PCGF6: variants seen among roughly 807,000 people sequenced by gnomAD.
The protein encoded by PCGF6 is polycomb group RING finger protein 6.
Under a neutral mutation model 45.5 loss-of-function variants are expected in PCGF6, and 24 were observed. The ratio of observed to expected loss-of-function variants is 0.53; its 90% CI spans 0.38 to 0.74. The LOEUF is 0.74. Ranked by LOEUF, PCGF6 falls within the 30% of genes least tolerant of loss-of-function variation. The probability of loss-of-function intolerance (pLI) is 0.00; values close to 1 mark genes in which losing one functional copy is unlikely to be tolerated. For synonymous variants in PCGF6, 152 were observed against 162.1 expected (o/e 0.94, Z 0.47); for missense variants, 356 against 443.2 (o/e 0.80, Z 1.77).
chr10:103,327,716 C>T (rs1282969862), intron 7 of PCGF6, among the ~76,000 whole-genome samples: 1 of 151,716 alleles, frequency 6.6e-6, no homozygotes, highest in Non-Finnish European at 1.5e-5. Flanking sequence ...ACTCTGTCAC[C>T]CAGGCTGGAG....
intron 8 of PCGF6, among the ~76,000 whole-genome samples, chr10:103,319,958 C>T (rs2093190950): frequency 6.6e-6 from 1 of 152,026 alleles, no homozygotes; most frequent in South Asian, 2.1e-4. Context: ...CAGGTGCATA[C>T]CACCATGCCC....
At chr10:103,304,373 C>T (rs949412765) in intron 9 of PCGF6, among the ~76,000 whole-genome samples, 1 of 152,184 alleles carries the variant, frequency 6.6e-6, no homozygotes, top group African/African-American at 2.4e-5. Context: ...CGGAATCTTG[C>T]TCTGTTGCCC....
At chr10:103,323,331 T>C (rs2093204679) in intron 8 of PCGF6, among the ~76,000 whole-genome samples, 1 of 152,000 alleles carries the variant, frequency 6.6e-6, no homozygotes. Flanking sequence ...AGTTTTGCTG[T>C]TGTTGCCCAG....
chr10:103,332,565 C>T (rs754660039), intron 7 of PCGF6, among the ~76,000 whole-genome samples: 51 of 152,104 alleles, frequency 3.4e-4, no homozygotes, highest in Non-Finnish European at 4.0e-4. Flanking sequence ...TGTGAGCCAA[C>T]GAACCCGGCC....
intron 6 of PCGF6, among the ~76,000 whole-genome samples, chr10:103,341,691 A>C (rs1457192419): frequency 6.6e-6 from 1 of 150,920 alleles, no homozygotes; most frequent in Non-Finnish European, 1.5e-5. Flanking sequence ...TAATCTGCCC[A>C]CCTAAGCCTC....
At chr10:103,340,284 C>G (rs761707647) in intron 6 of PCGF6, among the ~76,000 whole-genome samples, 7 of 145,804 alleles carry the variant, frequency 4.8e-5, no homozygotes, top group Non-Finnish European at 9.0e-5. Flanking sequence ...AGCTAGAAAA[C>G]AGCAGAGCTA....
chr10:103,330,815 G>A (rs2093237293), intron 7 of PCGF6, among the ~76,000 whole-genome samples: 1 of 152,198 alleles, frequency 6.6e-6, no homozygotes, highest in South Asian at 2.1e-4. Context: ...TGTAATACCA[G>A]CTACTTGGGA....
At chr10:103,305,097 G>A (rs945000615) in intron 9 of PCGF6, among the ~76,000 whole-genome samples, 1 of 151,834 alleles carries the variant, frequency 6.6e-6, no homozygotes, top group African/African-American at 2.4e-5. Context: ...CAACTAGCTG[G>A]GACCACACAC....
At chr10:103,341,080 T>C (rs1273663406) in intron 6 of PCGF6, among the ~76,000 whole-genome samples, 1 of 151,496 alleles carries the variant, frequency 6.6e-6, no homozygotes, top group Non-Finnish European at 1.5e-5. Flanking sequence ...AAATAGAAAA[T>C]TAGCCAGGCA....
intron 8 of PCGF6, among the ~76,000 whole-genome samples, chr10:103,323,896 T>C (rs2093206818): frequency 1.3e-5 from 2 of 152,084 alleles, no homozygotes; most frequent in Admixed American, 6.6e-5. Context: ...GTCACTGTTT[T>C]AACATATCTA....
At chr10:103,342,384 C>A (rs994559309) in intron 6 of PCGF6, among the ~76,000 whole-genome samples, 9 of 152,050 alleles carry the variant, frequency 5.9e-5, no homozygotes, top group Non-Finnish European at 1.2e-4. Flanking sequence ...CAGGCACCTG[C>A]CACAACACCT....
At chr10:103,312,146 C>A (rs1461255976) in intron 9 of PCGF6, among the ~76,000 whole-genome samples, 2 of 147,336 alleles carry the variant, frequency 1.4e-5, no homozygotes, top group African/African-American at 5.0e-5. Flanking sequence ...GTAATCCCAG[C>A]ACTTTGGGAG....
chr10:103,330,825 A>G (rs145097540), intron 7 of PCGF6, among the ~76,000 whole-genome samples: 2 of 152,288 alleles, frequency 1.3e-5, no homozygotes, highest in East Asian at 3.9e-4. Flanking sequence ...GCTACTTGGG[A>G]GGCTGAGGCA....
intron 6 of PCGF6, among the ~76,000 whole-genome samples, chr10:103,338,902 G>C (rs2093268415): frequency 6.6e-6 from 1 of 152,030 alleles, no homozygotes; most frequent in Non-Finnish European, 1.5e-5. Flanking sequence ...CAATTTAGGG[G>C]AGAAATCTAA....
intron 1 of PCGF6, among the ~76,000 whole-genome samples, chr10:103,350,215 T>C (rs940468930): frequency 6.6e-5 from 10 of 150,668 alleles, no homozygotes; most frequent in African/African-American, 2.4e-4. Flanking sequence ...GAGAATCTCT[T>C]GAACCCAGGA....
intron 7 of PCGF6, 106 bp downstream of exon 7, chr10:103,333,819 T>C (rs936344748): frequency 1.4e-6 from 1 of 738,806 alleles, no homozygotes; most frequent in Non-Finnish European, 2.1e-6. Flanking sequence ...ATGTACTTCA[T>C]ATTTAAATAA....
intron 7 of PCGF6, among the ~76,000 whole-genome samples, chr10:103,328,991 G>A (rs920218753): frequency 1.3e-5 from 2 of 151,514 alleles, no homozygotes; most frequent in Non-Finnish European, 2.9e-5. Context: ...ATGATCTACC[G>A]GCCTCAGCGT....
intron 8 of PCGF6, among the ~76,000 whole-genome samples, chr10:103,318,392 G>C (rs2093183936): frequency 6.8e-6 from 1 of 146,800 alleles, no homozygotes; most frequent in South Asian, 2.2e-4. Flanking sequence ...GTAGTGAACC[G>C]AGATCGCGCC....
chr10:103,335,576 T>G (rs564782578), intron 6 of PCGF6, among the ~76,000 whole-genome samples: 1 of 152,148 alleles, frequency 6.6e-6, no homozygotes, highest in South Asian at 2.1e-4. Context: ...TTGTTCAGGA[T>G]GGCCTCGATC....
Sources: gnomAD v4.1 joint callset for allele counts (sites outside exome capture counted in the v4.1 genomes callset) on GRCh38, gnomAD v4.1.1 for gene constraint, MANE v1.5 for transcripts, NCBI Gene and HGNC (gene_info 2026-07-23, HGNC 2026-07-21) for gene names.